Variants in SSH2 observed in about 807,000 individuals in gnomAD.
SSH2 encodes protein phosphatase Slingshot homolog 2.
A neutral mutation model predicts 135.2 loss-of-function variants in SSH2; 37 were observed. That is an observed-to-expected ratio of 0.27 (90% confidence interval 0.21 to 0.36). SSH2 has a LOEUF of 0.36. Among genes scored for constraint, SSH2 ranks in the 10% least tolerant of loss-of-function variants. The probability of loss-of-function intolerance (pLI) is 1.00; values close to 1 mark genes in which losing one functional copy is unlikely to be tolerated. For synonymous variants in SSH2, 628 were observed against 646.2 expected (o/e 0.97, Z 0.43); for missense variants, 1,408 against 1,765.3 (o/e 0.80, Z 3.63).
At chr17:29,678,263 T>C (rs989611165) in intron 6 of SSH2, among the ~76,000 whole-genome samples, 2 of 152,086 alleles carry the variant, frequency 1.3e-5, no homozygotes, top group African/African-American at 4.8e-5. Context: ...CTGGCTAATT[T>C]TTCTGTACTT....
rs1330631950 is a variant in SSH2, at chr17:29,673,272, G to GA, written c.615-1144dup. ...TAGCTATAAACTAATGTCTCCCTAA[G>GA]AAAAAAAGACATTATGGCCAGGCAC... On this transcript the variant is annotated intron_variant, in intron 8 of 15. Transcript: ENST00000540801. Among the ~76,000 whole-genome samples, 12 of 151,386 alleles carry GA rather than the reference G, an allele frequency of 7.9e-5. No individual in the cohort carries two copies. The East Asian group carries it at 2.4e-3, about 30-fold the overall frequency.
At chr17:29,684,740 C>A (rs2038140281) in intron 5 of SSH2, 56 bp from the exon 6 acceptor site, 3 of 1,539,146 alleles carry the variant, frequency 1.9e-6, no homozygotes, top group East Asian at 4.7e-5. Flanking sequence ...AATTTCAGAT[C>A]ATTTCAACCC....
rs1013604553 is a variant in SSH2, at chr17:29,631,716, G to A, written c.3478C>T (p.His1160Tyr). ...HLLSASLDYL[H>Y]PQTMVHLEGF... ...TCCAGGTGAACCATAGTCTGGGGATGCAGGTAATCCAAACTGGCAGACAGT... is the reference window on the plus strand; with the variant it reads ...TCCAGGTGAACCATAGTCTGGGGATACAGGTAATCCAAACTGGCAGACAGT... The change falls in exon 16 of 16, where the codon CAT (histidine) becomes TAT (tyrosine). Residue 1160 changes from histidine to tyrosine, a missense_variant. Physicochemically the swap from His to Tyr is moderately conservative, Grantham distance 83. Coordinates refer to ENST00000540801, the MANE Select transcript of SSH2 (RefSeq NM_001282129.2). 5.6e-6 allele frequency: 9 copies of A among 1,614,094 alleles called. No individual in the cohort carries two copies. The highest frequency in any genetic ancestry group is 5.0e-5 in the Admixed American group (3 of 60,006).
chr17:29,713,860 C>T (rs190535121), intron 3 of SSH2, among the ~76,000 whole-genome samples: 54 of 152,234 alleles, frequency 3.5e-4, no homozygotes, highest in African/African-American at 1.3e-3. Flanking sequence ...ATAACCACCA[C>T]CTCCCTCACC....
At chr17:29,639,877 GTAT>G (rs2036074660) in intron 14 of SSH2, 1 of 152,094 alleles carries the variant, frequency 6.6e-6, no homozygotes, top group Non-Finnish European at 1.5e-5. Flanking sequence ...AAATATGAGT[GTAT>G]TCCCCAATTT....
chr17:29,652,148 C>CA (rs576534977), intron 12 of SSH2, among the ~76,000 whole-genome samples: 2 of 149,448 alleles, frequency 1.3e-5, no homozygotes, highest in South Asian at 2.1e-4. Context: ...GTCTCAAAAA[C>CA]AAAAAAAAAG....
At chr17:29,854,932 GCAAGACT>G (rs2065635236) in intron 1 of SSH2, among the ~76,000 whole-genome samples, 2 of 152,036 alleles carry the variant, frequency 1.3e-5, no homozygotes, top group South Asian at 4.1e-4. Flanking sequence ...GGGAGACAGA[GCAAGACT>G]CCATCTAAAA....
intron 1 of SSH2, chr17:29,883,255 T>A (rs912744808): frequency 1.3e-5 from 2 of 152,238 alleles, no homozygotes; most frequent in Non-Finnish European, 2.9e-5. Context: ...AAACTCTGAA[T>A]AATGAGTACC....
intron 3 of SSH2, among the ~76,000 whole-genome samples, chr17:29,753,034 C>T (rs1055465461): frequency 1.8e-4 from 28 of 152,166 alleles, no homozygotes; most frequent in Non-Finnish European, 2.4e-4. Flanking sequence ...AGGATAATAT[C>T]TAACTCATAA....
At chr17:29,888,817 T>C (rs1415826275) in intron 1 of SSH2, among the ~76,000 whole-genome samples, 1 of 146,110 alleles carries the variant, frequency 6.8e-6, no homozygotes, top group Non-Finnish European at 1.5e-5. Context: ...GGCACACTCC[T>C]GTAGACCAGC....
chr17:29,927,664 A>G (rs2067092010), intron 1 of SSH2, among the ~76,000 whole-genome samples: 1 of 152,206 alleles, frequency 6.6e-6, no homozygotes, highest in Non-Finnish European at 1.5e-5. Flanking sequence ...GCCAAATGCT[A>G]GAGTACAAGG....
At chr17:29,888,006 A>G (rs1431092784) in intron 1 of SSH2, among the ~76,000 whole-genome samples, 1 of 152,074 alleles carries the variant, frequency 6.6e-6, no homozygotes, top group Non-Finnish European at 1.5e-5. Flanking sequence ...GGAGGCCAAT[A>G]CTGGAGGATC....
At chr17:29,916,877 G>C (rs572957676) in intron 1 of SSH2, among the ~76,000 whole-genome samples, 3 of 152,172 alleles carry the variant, frequency 2.0e-5, no homozygotes, top group African/African-American at 7.2e-5. Flanking sequence ...TGAAGAAAAG[G>C]CTATCTCAAA....
chr17:29,815,123 ATTTTTT>A (rs71360722), intron 2 of SSH2, among the ~76,000 whole-genome samples: 1 of 98,036 alleles, frequency 1.0e-5, no homozygotes, highest in Non-Finnish European at 2.0e-5. Context: ...TATTTTTTGT[ATTTTTT>A]TTTTTTTTTT....
intron 3 of SSH2, among the ~76,000 whole-genome samples, chr17:29,789,006 T>C (rs1025809706): frequency 6.6e-6 from 1 of 152,142 alleles, no homozygotes; most frequent in African/African-American, 2.4e-5. Flanking sequence ...AACATGTTAG[T>C]GGACAATGGA....
At chr17:29,852,712 G>A (rs1218605994) in intron 1 of SSH2, among the ~76,000 whole-genome samples, 5 of 151,316 alleles carry the variant, frequency 3.3e-5, no homozygotes, top group Non-Finnish European at 7.4e-5. Flanking sequence ...CCACCACGCC[G>A]GCTAATTTTT....
chr17:29,699,810 T>C (rs966595749), intron 4 of SSH2, among the ~76,000 whole-genome samples: 1 of 152,214 alleles, frequency 6.6e-6, no homozygotes. Context: ...ATACTTCATC[T>C]GCACATTCAA....
intron 6 of SSH2, among the ~76,000 whole-genome samples, chr17:29,681,817 G>T (rs1331440611): frequency 6.6e-6 from 1 of 152,130 alleles, no homozygotes; most frequent in Admixed American, 6.6e-5. Flanking sequence ...TCTCAGATAT[G>T]AAATGATACA....
intron 5 of SSH2, among the ~76,000 whole-genome samples, chr17:29,693,990 T>A (rs892483769): frequency 1.2e-4 from 18 of 152,234 alleles, no homozygotes; most frequent in Non-Finnish European, 2.2e-4. Context: ...GTTAGTAATC[T>A]AGAGCAGGCA....
Sources: allele counts gnomAD v4.1 joint callset (sites outside exome capture counted in the v4.1 genomes callset), GRCh38; gene constraint gnomAD v4.1.1; transcripts MANE v1.5; gene names NCBI Gene and HGNC (gene_info 2026-07-23, HGNC 2026-07-21).